ATXN1: variants seen among roughly 807,000 people sequenced by gnomAD.
ATXN1 encodes the protein ataxin 1, also known as ataxin-1.
ATXN1 carries 8 observed loss-of-function variants against 56.4 expected under a neutral mutation model. The ratio of observed to expected loss-of-function variants is 0.14; its 90% CI spans 0.08 to 0.26. The LOEUF (loss-of-function observed/expected upper bound fraction) is 0.26, where lower values mean the gene tolerates loss of function less well. Among genes scored for constraint, ATXN1 ranks in the 10% least tolerant of loss-of-function variants. ATXN1 has a pLI of 1.00. For missense variants in ATXN1, 987 were observed against 1,106.5 expected (o/e 0.89, Z 1.53); for synonymous variants, 514 against 494.6 (o/e 1.04, Z -0.52).
In ATXN1 at chr6:16,327,143, T is replaced by G. The variant is rs746928991; in HGVS notation, c.1168A>C (p.Thr390Pro). 1 of 1,613,564 alleles carries G rather than the reference T, an allele frequency of 6.2e-7. No homozygotes were observed. The highest frequency in any genetic ancestry group is 8.5e-7 in the Non-Finnish European group (1 of 1,179,994). The change falls in exon 7 of 8, where the codon ACG becomes CCG. Residue 390 changes from threonine (T) to proline (P), a missense_variant. Around this residue, in one of 3 missense-constraint regions of ATXN1, gnomAD observed 723 missense variants for 791.7 expected, o/e 0.91. Coordinates refer to ENST00000436367, the MANE Select transcript of ATXN1 (RefSeq NM_001128164.2). ...ASVMVLPNSN[T>P]PAADLEVQQA... ...TGCACCTCCAGGTCAGCTGCGGGCG[T>G]GTTGCTGTTGGGCAGGACCATCACA...
intron 6 of ATXN1, among the ~76,000 whole-genome samples, chr6:16,396,013 C>CA (rs59358244): frequency 0.1 from 4,316 of 42,120 alleles, 720 homozygotes; most frequent in East Asian, 0.31. Flanking sequence ...GACTCCGTCT[C>CA]AAAAAAAAAA....
intron 6 of ATXN1, among the ~76,000 whole-genome samples, chr6:16,481,433 T>C (rs903774271): frequency 1.3e-5 from 2 of 152,202 alleles, no homozygotes; most frequent in Non-Finnish European, 2.9e-5. Context: ...GTAAGAGAAA[T>C]TCAGCTCCCA....
At chr6:16,581,999 G>A (rs775013902) in intron 4 of ATXN1, among the ~76,000 whole-genome samples, 2 of 152,198 alleles carry the variant, frequency 1.3e-5, no homozygotes, top group Non-Finnish European at 2.9e-5. Context: ...TGAGTAGCCC[G>A]ATGATCTTTA....
chr6:16,613,271 CAAAAAAA>C (rs765813165), intron 3 of ATXN1, among the ~76,000 whole-genome samples: 4 of 52,522 alleles, frequency 7.6e-5, no homozygotes, highest in African/African-American at 2.0e-4. Context: ...GACTCCGTCT[CAAAAAAA>C]AAAAAAAAAA....
intron 6 of ATXN1, among the ~76,000 whole-genome samples, chr6:16,382,673 T>C (rs572324737): frequency 6.6e-6 from 1 of 152,226 alleles, no homozygotes; most frequent in African/African-American, 2.4e-5. Context: ...TCAACGTCTG[T>C]TACTGTAGCC....
chr6:16,390,005 T>C (rs538356051), intron 6 of ATXN1, among the ~76,000 whole-genome samples: 3 of 152,212 alleles, frequency 2.0e-5, no homozygotes, highest in Non-Finnish European at 4.4e-5. Context: ...CTGCAAGAAA[T>C]ACATACAGAT....
chr6:16,610,159 T>G (rs1054691193), intron 3 of ATXN1, among the ~76,000 whole-genome samples: 1 of 152,024 alleles, frequency 6.6e-6, no homozygotes, highest in African/African-American at 2.4e-5. Flanking sequence ...AACATAGAGA[T>G]AGCATGATTG....
In ATXN1 at chr6:16,299,179, C is replaced by T. The variant is rs1304214532; in HGVS notation, c.*7150G>A. ...CAATAAACTTGTACTGGTATACAGA[C>T]AATTTATTTAAAACAATTTTGTTCA... On this transcript the variant is annotated 3_prime_UTR_variant, in exon 8 of 8. Transcript: ENST00000436367. The T allele has an allele frequency of 6.6e-6, 1 of 152,530 alleles. No homozygotes were observed. The highest frequency in any genetic ancestry group is 6.5e-5 in the Admixed American group (1 of 15,276). The allele number at this position is 152,530 out of a possible 1,614,324, so 9.4% of individuals were successfully genotyped here. A position where few individuals can be genotyped will look rare whatever the true frequency, so the allele number is the denominator to read the frequency against.
chr6:16,356,197 A>C (rs1001855085), intron 6 of ATXN1, among the ~76,000 whole-genome samples: 4 of 152,126 alleles, frequency 2.6e-5, no homozygotes, highest in African/African-American at 9.7e-5. Context: ...TTCTTCCTAC[A>C]TTTCCTGCCC....
At chr6:16,742,069 T>A (rs867736970) in intron 2 of ATXN1, among the ~76,000 whole-genome samples, 35 of 152,178 alleles carry the variant, frequency 2.3e-4, no homozygotes, top group Admixed American at 1.8e-3. Context: ...GAAAGCAAAG[T>A]TGTATGGAAA....
intron 2 of ATXN1, among the ~76,000 whole-genome samples, chr6:16,745,696 C>T (rs148830518): frequency 6.6e-6 from 1 of 152,328 alleles, no homozygotes; most frequent in Non-Finnish European, 1.5e-5. Flanking sequence ...GAAAACGTCA[C>T]TGCCAGGTTA....
chr6:16,574,684 T>G (rs1421402192), intron 4 of ATXN1, among the ~76,000 whole-genome samples: 5 of 152,186 alleles, frequency 3.3e-5, no homozygotes, highest in South Asian at 4.1e-4. Context: ...CCCTTGTACC[T>G]TCCACCCAGT....
Position 16,301,379 on chromosome 6 carries a change from G to A in ATXN1, c.*4950C>T, listed in dbSNP as rs1760093934. ...ATGTAAAAGAAATCTCAGCTCCGGA[G>A]TAGAGGTGTGCAAGTTGTTTGGAGT... On this transcript the variant is annotated 3_prime_UTR_variant, in exon 8 of 8. Transcript: ENST00000436367. 1 of 152,610 alleles carries A rather than the reference G, an allele frequency of 6.6e-6. No individual in the cohort carries two copies. The highest frequency in any genetic ancestry group is 1.5e-5 in the Non-Finnish European group (1 of 68,038). The allele number at this position is 152,610 out of a possible 1,614,324, so 9.5% of individuals were successfully genotyped here.
intron 6 of ATXN1, among the ~76,000 whole-genome samples, chr6:16,413,620 C>T (rs574563913): frequency 7.2e-5 from 11 of 152,262 alleles, no homozygotes; most frequent in Non-Finnish European, 1.6e-4. Context: ...GAAAGTGAAA[C>T]TGACGAGCCC....
chr6:16,496,464 C>T (rs1321529193), intron 5 of ATXN1, among the ~76,000 whole-genome samples: 2 of 152,098 alleles, frequency 1.3e-5, no homozygotes, highest in Non-Finnish European at 2.9e-5. Context: ...ACAGATCCAT[C>T]GTGTGGAGGG....
intron 5 of ATXN1, among the ~76,000 whole-genome samples, chr6:16,503,669 C>T (rs557807103): frequency 6.6e-6 from 1 of 152,264 alleles, no homozygotes; most frequent in Admixed American, 6.5e-5. Context: ...CAGCTTGGAA[C>T]ACAGATGTTG....
intron 2 of ATXN1, among the ~76,000 whole-genome samples, chr6:16,661,335 A>G (rs547868351): frequency 2.4e-4 from 36 of 152,232 alleles, no homozygotes; most frequent in Non-Finnish European, 5.0e-4. Context: ...AAATAATTTT[A>G]TAAGCATGAA....
At chr6:16,754,764 G>A (rs1375751886) in intron 1 of ATXN1, 3 of 152,214 alleles carry the variant, frequency 2.0e-5, no homozygotes, top group African/African-American at 7.2e-5. Flanking sequence ...TACAGAGAAG[G>A]AAGGTAAGCT....
At chr6:16,605,766 G>A (rs559910998) in intron 3 of ATXN1, among the ~76,000 whole-genome samples, 1 of 152,252 alleles carries the variant, frequency 6.6e-6, no homozygotes, top group South Asian at 2.1e-4. Flanking sequence ...AAGCTTACTA[G>A]CTATGTGGTC....
Sources: gnomAD v4.1 joint callset for allele counts (sites outside exome capture counted in the v4.1 genomes callset) on GRCh38, gnomAD v4.1.1 for gene constraint, gnomAD v4.1.1 regional missense constraint, MANE v1.5 for transcripts, NCBI Gene and HGNC (gene_info 2026-07-23, HGNC 2026-07-21) for gene names.